The following ANKRD13C variants were observed in gnomAD, a reference collection of about 807,000 sequenced individuals.
ANKRD13C encodes ankyrin repeat domain 13C.
A neutral mutation model predicts 65.5 loss-of-function variants in ANKRD13C; 16 were observed. That is an observed-to-expected ratio of 0.24 (90% CI 0.17 to 0.37). The LOEUF is 0.37. ANKRD13C is among the 10% of genes least tolerant of loss of function. The probability of loss-of-function intolerance (pLI) is 1.00; values close to 1 mark genes in which losing one functional copy is unlikely to be tolerated. For missense variants in ANKRD13C, 503 were observed against 655.9 expected (o/e 0.77, Z 2.55); for synonymous variants, 235 against 238.7 (o/e 0.98, Z 0.14).
At chr1:70,348,263 T>C (rs1682610862) in intron 1 of ANKRD13C, among the ~76,000 whole-genome samples, 1 of 152,036 alleles carries the variant, frequency 6.6e-6, no homozygotes, top group Admixed American at 6.6e-5. Context: ...TTATCCTATC[T>C]TCTCAATCCT....
chr1:70,285,861 G>C (rs1013398340), intron 9 of ANKRD13C, among the ~76,000 whole-genome samples: 3 of 151,988 alleles, frequency 2.0e-5, no homozygotes, highest in African/African-American at 7.3e-5. Flanking sequence ...CTGACCTCAA[G>C]TGATCTGCCT....
chr1:70,297,311 T>TTTTTTTTA (rs1680131292), intron 7 of ANKRD13C, among the ~76,000 whole-genome samples: 2 of 144,402 alleles, frequency 1.4e-5, no homozygotes, highest in African/African-American at 2.6e-5. Flanking sequence ...TTTTTTTTTT[T>TTTTTTTTA]GAGACAGAGT....
At chr1:70,341,355 T>C in intron 1 of ANKRD13C, among the ~76,000 whole-genome samples, 1 of 146,506 alleles carries the variant, frequency 6.8e-6, no homozygotes, top group South Asian at 2.2e-4. Context: ...TCTACCATCT[T>C]TTTGTGTGTT....
chr1:70,314,260 C>T (rs1191182911), intron 4 of ANKRD13C, among the ~76,000 whole-genome samples: 3 of 151,796 alleles, frequency 2.0e-5, no homozygotes, highest in Non-Finnish European at 4.4e-5. Context: ...ACTCCATCGC[C>T]CAGGTTGGAG....
intron 1 of ANKRD13C, among the ~76,000 whole-genome samples, chr1:70,344,814 T>A (rs1044746929): frequency 1.2e-4 from 19 of 152,002 alleles, no homozygotes; most frequent in African/African-American, 2.9e-4. Flanking sequence ...TCTATTGATA[T>A]TTATCATATT....
chr1:70,347,148 T>A (rs1272176131), intron 1 of ANKRD13C, among the ~76,000 whole-genome samples: 1 of 136,164 alleles, frequency 7.3e-6, no homozygotes, highest in African/African-American at 2.7e-5. Flanking sequence ...GGTCTCAAAC[T>A]CAGATCTGAT....
chr1:70,335,405 C>CA (rs369800668), intron 2 of ANKRD13C, among the ~76,000 whole-genome samples: 16,069 of 104,832 alleles, frequency 0.15, 1,077 homozygotes, highest in East Asian at 0.38. Flanking sequence ...GACTCTGCCT[C>CA]AAAAAAAAAA....
chr1:70,292,343 C>T, intron 9 of ANKRD13C, 45 bp downstream of exon 9: 1 of 1,444,472 alleles, frequency 6.9e-7, no homozygotes, highest in Admixed American at 2.4e-5. Context: ...AATCTATCCC[C>T]TCTCTTCTTA....
chr1:70,302,297 A>G (rs1034617329), intron 6 of ANKRD13C, among the ~76,000 whole-genome samples: 7 of 137,458 alleles, frequency 5.1e-5, no homozygotes, highest in African/African-American at 1.8e-4. Flanking sequence ...TCATCAACTC[A>G]CACAGGGGCG....
intron 9 of ANKRD13C, among the ~76,000 whole-genome samples, chr1:70,278,779 G>C (rs1201520933): frequency 6.6e-6 from 1 of 152,084 alleles, no homozygotes; most frequent in Non-Finnish European, 1.5e-5. Context: ...TAGAATCCCA[G>C]CTCCAATACC....
chr1:70,352,515 ATAT>A (rs1363489326), intron 1 of ANKRD13C, among the ~76,000 whole-genome samples: 2 of 152,174 alleles, frequency 1.3e-5, no homozygotes, highest in Non-Finnish European at 2.9e-5. Context: ...AGCTTCAGTG[ATAT>A]TCATCCATCT....
At chr1:70,310,628 T>A (rs1680809256) in intron 5 of ANKRD13C, among the ~76,000 whole-genome samples, 1 of 152,250 alleles carries the variant, frequency 6.6e-6, no homozygotes, top group South Asian at 2.1e-4. Flanking sequence ...ATTGCATGTA[T>A]TTATATTTTA....
At chr1:70,312,408 C>T (rs567656581) in intron 5 of ANKRD13C, among the ~76,000 whole-genome samples, 2 of 148,642 alleles carry the variant, frequency 1.3e-5, no homozygotes, top group African/African-American at 5.0e-5. Context: ...CTCTGGAAAT[C>T]CCACTACAAA....
rs981127828 is a variant in ANKRD13C, at chr1:70,259,618, A to T, written c.*3099T>A. On this transcript the variant is annotated 3_prime_UTR_variant, in exon 13 of 13. Transcript: ENST00000370944. ...CTGACATAAAATGCTTTGCAAGAGTAGTTTTGGCTAATTTATAGTATACAA... is the reference window on the plus strand; with the variant it reads ...CTGACATAAAATGCTTTGCAAGAGTTGTTTTGGCTAATTTATAGTATACAA... 8.5e-5 allele frequency among the ~76,000 whole-genome samples: 13 copies of T among 152,210 alleles called. No homozygotes were observed. Among genetic ancestry groups the T allele is most frequent in the African/African-American group, 3.1e-4 (13 of 41,470 alleles).
Position 70,353,955 on chromosome 1 carries a change from T to G in ANKRD13C, c.430+24A>C, listed in dbSNP as rs754764606. 14 of 1,490,960 alleles carry G rather than the reference T, an allele frequency of 9.4e-6. No homozygotes were observed. The South Asian group carries it at 1.7e-4, about 18-fold the overall frequency. The allele number at this position is 1,490,960 out of a possible 1,614,324, so 92.4% of individuals were successfully genotyped here. A position where few individuals can be genotyped will look rare whatever the true frequency, so the allele number is the denominator to read the frequency against. On this transcript the variant is annotated intron_variant, in intron 1 of 12. Transcript: ENST00000370944. ...CCCTAGGCTCGGGGAAGGAGAGAGG[T>G]GGAGAGGGGCTAGCACTCCTCACCG...
chr1:70,267,051 A>T (rs1027165482), intron 12 of ANKRD13C, among the ~76,000 whole-genome samples: 2 of 152,024 alleles, frequency 1.3e-5, no homozygotes, highest in African/African-American at 4.8e-5. Flanking sequence ...ATAATTGTGG[A>T]TCTATTTTTC....
rs77886253 is a variant in ANKRD13C, at chr1:70,266,167, G to A, written c.1496-3320C>T. On this transcript the variant is annotated intron_variant, in intron 12 of 12. Transcript: ENST00000370944. ...ATGCCTCACCCCTTCTGTAGTCCCT[G>A]GCATCCACTCAACTGTTCACTGCCA... 2.8e-3 allele frequency among the ~76,000 whole-genome samples: 431 copies of A among 152,174 alleles called. 5 individuals are homozygous for A. The highest frequency in any genetic ancestry group is 9.9e-3 in the African/African-American group (413 of 41,522).
Position 70,315,664 on chromosome 1 carries a change from C to A in ANKRD13C, c.578-98G>T, listed in dbSNP as rs1007657744. Reference sequence around the variant, plus strand: ...CATATAGATAGATAATACATGTACACATATATGCACGTGCATGTATGTGTG... The same window carrying A: ...CATATAGATAGATAATACATGTACAAATATATGCACGTGCATGTATGTGTG... On this transcript the variant is annotated intron_variant, in intron 3 of 12. Coordinates refer to ENST00000370944, the MANE Select transcript of ANKRD13C (RefSeq NM_030816.5). 4 of 873,806 alleles carry A rather than the reference C, an allele frequency of 4.6e-6. No homozygotes were observed. In the African/African-American group the frequency reaches 5.1e-5, roughly 11 times the overall value. 54.1% of individuals were successfully genotyped at this position (873,806 alleles called of 1,614,324 possible).
rs749195361 is a variant in ANKRD13C, at chr1:70,270,923, G to C, written c.1428C>G (p.Phe476Leu). The change falls in exon 12 of 13, where the codon TTC becomes TTG. Residue 476 changes from phenylalanine (F) to leucine (L), a missense_variant. Physicochemically the swap from Phe to Leu is conservative, Grantham distance 22 (BLOSUM62 0). Coordinates refer to ENST00000370944, the MANE Select transcript of ANKRD13C (RefSeq NM_030816.5). ...ATTCTCTAAGCTTGTTAAAGTGCTT[G>C]AAGGGAGCTACTACTTCTAAAACAT... Reference protein sequence around the residue: ...LLNVLEVVAPFKHFNKLREFV... With the variant: ...LLNVLEVVAPLKHFNKLREFV... 1.2e-6 allele frequency: 2 copies of C among 1,612,870 alleles called. No individual in the cohort carries two copies. The highest frequency in any genetic ancestry group is 4.5e-5 in the East Asian group (2 of 44,822).
Sources: allele counts gnomAD v4.1 joint callset (sites outside exome capture counted in the v4.1 genomes callset), GRCh38; gene constraint gnomAD v4.1.1; transcripts MANE v1.5; gene names NCBI Gene and HGNC (gene_info 2026-07-23, HGNC 2026-07-21).